Variants in ASAP2 observed in about 807,000 individuals in gnomAD.
ASAP2 encodes the protein ArfGAP with SH3 domain, ankyrin repeat and PH domain 2, also known as arf-GAP with SH3 domain, ANK repeat and PH domain-containing protein 2.
A neutral mutation model predicts 131.4 loss-of-function variants in ASAP2; 45 were observed. The observed-to-expected ratio is 0.34, with a 90% confidence interval of 0.27 to 0.44. The LOEUF (loss-of-function observed/expected upper bound fraction) is 0.44, where lower values mean the gene tolerates loss of function less well. ASAP2 is among the 20% of genes least tolerant of loss of function. The pLI is 1.00. For missense variants in ASAP2, 1,011 were observed against 1,297.0 expected (o/e 0.78, Z 3.39); for synonymous variants, 510 against 503.0 (o/e 1.01, Z -0.19).
At chr2:9,275,082 G>GTTTT (rs753527243) in intron 1 of ASAP2, among the ~76,000 whole-genome samples, 27,063 of 128,470 alleles carry the variant, frequency 0.21, 2,806 homozygotes, top group Non-Finnish European at 0.25. Context: ...TCATTTGTCT[G>GTTTT]TTTTTTTTTT....
rs1234599826 is a variant in ASAP2 at position 9,389,885 on chromosome 2, G to A, written c.2384-1177G>A. ...TGTCAAACCCCCAGGCTGGCTGGTC[G>A]GGGCCCAGGGTGGGTGCGGCTTTCT... On this transcript the variant is annotated intron_variant, in intron 22 of 27. Coordinates refer to ENST00000281419, the MANE Select transcript of ASAP2 (RefSeq NM_003887.3). This position sits in a 1 kb window ranked among gnomAD's most constrained non-coding sequence, Gnocchi z 4.7. Among the ~76,000 whole-genome samples, 4 of 152,148 alleles carry A rather than the reference G, an allele frequency of 2.6e-5. No homozygotes were observed. Among genetic ancestry groups the A allele is most frequent in the East Asian group, 3.9e-4 (2 of 5,190 alleles).
chr2:9,399,779 G>A, intron 24 of ASAP2: 1 of 550,478 alleles, frequency 1.8e-6, no homozygotes, highest in South Asian at 2.1e-5. Flanking sequence ...ATCGGTGGCA[G>A]GCTCACGTGG....
At position 9,344,801 on chromosome 2, in the gene ASAP2, G is replaced by A. The variant is rs1558350706; in HGVS notation, c.1023+1G>A. ...TTTTCTGACCATATCCCATGGTACC[G>A]TAAGTATTCTCTTTTAATCCATGGT... On this transcript the variant is annotated splice_donor_variant, in intron 11 of 27. Transcript: ENST00000281419. LOFTEE classifies it high-confidence loss of function. 5 of 1,611,086 alleles carry A rather than the reference G, an allele frequency of 3.1e-6. No homozygotes were observed. The highest frequency in any genetic ancestry group is 1.3e-5 in the African/African-American group (1 of 74,844).
rs1000815377 is a variant in ASAP2 at position 9,403,761 on chromosome 2, T to G, written c.*434T>G. The G allele has an allele frequency of 6.3e-6, 1 of 158,366 alleles. No homozygotes were observed. Among genetic ancestry groups the G allele is most frequent in the Admixed American group, 6.3e-5 (1 of 15,880 alleles). 9.8% of individuals were successfully genotyped at this position (158,366 alleles called of 1,614,324 possible). On this transcript the variant is annotated 3_prime_UTR_variant, in exon 28 of 28. Coordinates refer to ENST00000281419, the MANE Select transcript of ASAP2 (RefSeq NM_003887.3). The stretch of plus-strand genomic sequence containing the variant: ...CTGCTTCAGAAGTCCATAGCCCAGC[T>G]CTGAACTTTCTCGATAAAATGCCAT...
intron 1 of ASAP2, among the ~76,000 whole-genome samples, chr2:9,257,764 T>A (rs1572271487): frequency 2.0e-5 from 3 of 152,106 alleles, no homozygotes; most frequent in Admixed American, 2.0e-4. Flanking sequence ...CCTCAAGTGA[T>A]CCGCCCGCCT....
intron 7 of ASAP2, among the ~76,000 whole-genome samples, chr2:9,329,167 G>A (rs1670670306): frequency 6.6e-6 from 1 of 152,172 alleles, no homozygotes; most frequent in African/African-American, 2.4e-5. Context: ...TCTTAAGGCA[G>A]GAAAAAGGCC....
intron 1 of ASAP2, among the ~76,000 whole-genome samples, chr2:9,242,152 A>C (rs1664017276): frequency 6.6e-6 from 1 of 152,074 alleles, no homozygotes; most frequent in African/African-American, 2.4e-5. Flanking sequence ...CTGGAATGAA[A>C]CTTTTTTTTT....
At chr2:9,218,965 A>G (rs1235597340) in intron 1 of ASAP2, among the ~76,000 whole-genome samples, 1 of 152,142 alleles carries the variant, frequency 6.6e-6, no homozygotes, top group East Asian at 1.9e-4. Context: ...TGGAATCCCA[A>G]TGGGTGCCTT....
At chr2:9,333,581 G>A (rs866899716) in intron 7 of ASAP2, among the ~76,000 whole-genome samples, 1 of 152,176 alleles carries the variant, frequency 6.6e-6, no homozygotes, top group African/African-American at 2.4e-5. Context: ...AGAATGCAGA[G>A]GGCCAGGGGC....
At chr2:9,213,559 T>A (rs1661760284) in intron 1 of ASAP2, among the ~76,000 whole-genome samples, 1 of 151,648 alleles carries the variant, frequency 6.6e-6, no homozygotes. Flanking sequence ...AGACCAGTTG[T>A]GGGGTGAGGG....
chr2:9,394,730 C>G (rs1675982828), intron 24 of ASAP2, among the ~76,000 whole-genome samples: 1 of 152,234 alleles, frequency 6.6e-6, no homozygotes, highest in South Asian at 2.1e-4. Flanking sequence ...ACAAACCACA[C>G]CAGACTGACA....
At chr2:9,271,348 T>C (rs190716624) in intron 1 of ASAP2, 1 of 1,134,604 alleles carries the variant, frequency 8.8e-7, no homozygotes, top group African/African-American at 1.5e-5. Context: ...GGAACTGGCA[T>C]AATATATGTT....
chr2:9,217,546 A>G lies in ASAP2; in HGVS notation c.126+10316A>G, dbSNP rs538618217. ...CTTTTAGGATTCTAGCCAGGCAGTC[A>G]GGATTGTCGGGACCTCTTTCCCCAG... On this transcript the variant is annotated intron_variant, in intron 1 of 27. Transcript: ENST00000281419. The surrounding 1 kb of genome is among the most constrained non-coding windows in gnomAD (Gnocchi z 4.0). 1.3e-5 allele frequency among the ~76,000 whole-genome samples: 2 copies of G among 152,222 alleles called. No homozygotes were observed. The highest frequency in any genetic ancestry group is 1.3e-4 in the Admixed American group (2 of 15,302).
At chr2:9,278,128 G>A (rs1666870784) in intron 1 of ASAP2, among the ~76,000 whole-genome samples, 1 of 152,144 alleles carries the variant, frequency 6.6e-6, no homozygotes, top group Non-Finnish European at 1.5e-5. Flanking sequence ...GTAGGGCAGG[G>A]TGCTTCATTT....
intron 1 of ASAP2, among the ~76,000 whole-genome samples, chr2:9,230,584 G>A (rs1440863131): frequency 6.6e-6 from 1 of 152,218 alleles, no homozygotes; most frequent in African/African-American, 2.4e-5. Context: ...AGCAGTATCT[G>A]TGTGCAGACC....
At chr2:9,346,200 G>T (rs1233638224) in intron 11 of ASAP2, among the ~76,000 whole-genome samples, 2 of 152,084 alleles carry the variant, frequency 1.3e-5, no homozygotes, top group Non-Finnish European at 2.9e-5. Context: ...GGCCGAGGCG[G>T]GCAGATCAGC....
intron 2 of ASAP2, among the ~76,000 whole-genome samples, chr2:9,285,501 G>T (rs2148338846): frequency 6.6e-6 from 1 of 152,312 alleles, no homozygotes; most frequent in South Asian, 2.1e-4. Flanking sequence ...GTATTTTCTG[G>T]AGAGTCTTAG....
At chr2:9,249,741 C>G (rs1015575969) in intron 1 of ASAP2, among the ~76,000 whole-genome samples, 1 of 149,194 alleles carries the variant, frequency 6.7e-6, no homozygotes. Flanking sequence ...CATGCCCGGG[C>G]TGGCGGGGGA....
At chr2:9,290,300 C>T (rs1356574046) in intron 2 of ASAP2, among the ~76,000 whole-genome samples, 1 of 152,154 alleles carries the variant, frequency 6.6e-6, no homozygotes, top group African/African-American at 2.4e-5. Context: ...ACCTCTGCCT[C>T]CTGGGTTGAA....
Sources: gnomAD v4.1 joint callset for allele counts (sites outside exome capture counted in the v4.1 genomes callset) on GRCh38, gnomAD v4.1.1 for gene constraint, Gnocchi (gnomAD v3.1) non-coding constraint, MANE v1.5 for transcripts, NCBI Gene and HGNC (gene_info 2026-07-23, HGNC 2026-07-21) for gene names.